GPC3: variants seen among roughly 807,000 people sequenced by gnomAD.
The protein encoded by GPC3 is glypican 3.
In GPC3, 3 loss-of-function variants were observed where a neutral mutation model predicts 34.4. The observed-to-expected ratio is 0.09, with a 90% CI of 0.04 to 0.23. The LOEUF (loss-of-function observed/expected upper bound fraction) is 0.23. Ranked by LOEUF, GPC3 falls within the 10% of genes least tolerant of loss-of-function variation. The pLI is 1.00. For missense variants in GPC3, 351 were observed against 445.6 expected (o/e 0.79, Z 1.91); for synonymous variants, 177 against 174.0 (o/e 1.02, Z -0.13).
intron 2 of GPC3, among the ~76,000 whole-genome samples, chrX:133,878,328 G>A (rs868257801): frequency 2.7e-5 from 3 of 110,675 alleles, no homozygotes; most frequent in South Asian, 7.7e-4. Context: ...TTGGGAGGCC[G>A]AGGCAGGAGA....
At chrX:133,627,040 C>T (rs139690193) in intron 6 of GPC3, among the ~76,000 whole-genome samples, 2,181 of 106,895 alleles carry the variant, frequency 0.02, 25 homozygotes, top group Middle Eastern at 0.029. Context: ...CTGAAACCAT[C>T]ATTCTGAGCA....
intron 3 of GPC3, chrX:133,704,339 A>T: frequency 1.6e-6 from 1 of 643,815 alleles, no homozygotes; most frequent in South Asian, 4.0e-5. Flanking sequence ...GGCAGGGAAA[A>T]TTTTATTTTC....
intron 6 of GPC3, among the ~76,000 whole-genome samples, chrX:133,601,555 T>A (rs1012130281): frequency 8.9e-6 from 1 of 112,230 alleles, no homozygotes; most frequent in African/African-American, 3.2e-5. Context: ...CATTAAGGGA[T>A]CTATCAACAT....
intron 2 of GPC3, among the ~76,000 whole-genome samples, chrX:133,914,944 AATATATATATATATATATAT>A (rs35086661): frequency 3.0e-4 from 15 of 49,944 alleles, no homozygotes; most frequent in Admixed American, 4.7e-4. Flanking sequence ...TCAAACTGGA[AATATATATATATATATATAT>A]ATATATATAT....
chrX:133,624,800 A>C (rs2070280304), intron 6 of GPC3, among the ~76,000 whole-genome samples: 1 of 111,371 alleles, frequency 9.0e-6, no homozygotes, highest in Non-Finnish European at 1.9e-5. Flanking sequence ...AATCCTCCCT[A>C]ACTCATTTTA....
chrX:133,935,336 C>G (rs1350268757), intron 2 of GPC3, among the ~76,000 whole-genome samples: 1 of 111,941 alleles, frequency 8.9e-6, no homozygotes, highest in African/African-American at 3.3e-5. Context: ...ACAGTTTCAC[C>G]GTCTGTATTA....
chrX:133,839,713 G>A (rs995647492), intron 2 of GPC3, among the ~76,000 whole-genome samples: 2 of 109,754 alleles, frequency 1.8e-5, no homozygotes, highest in African/African-American at 3.3e-5. Flanking sequence ...GGCAGATCAC[G>A]AGGTCAGGAG....
intron 6 of GPC3, among the ~76,000 whole-genome samples, chrX:133,613,483 GAGTTTC>G (rs1257457227): frequency 8.9e-6 from 1 of 112,006 alleles, no homozygotes; most frequent in Non-Finnish European, 1.9e-5. Flanking sequence ...CTTGTCATAG[GAGTTTC>G]AGTTTTCTCA....
intron 2 of GPC3, among the ~76,000 whole-genome samples, chrX:133,795,389 G>C (rs913537879): frequency 2.7e-5 from 3 of 111,710 alleles, no homozygotes; most frequent in Non-Finnish European, 3.8e-5. Context: ...CGCTTTGCTA[G>C]GATTAGATAT....
chrX:133,761,468 G>C (rs1398603112), intron 2 of GPC3, among the ~76,000 whole-genome samples: 3 of 112,004 alleles, frequency 2.7e-5, no homozygotes, highest in Non-Finnish European at 5.6e-5. Context: ...ATACAGTCTT[G>C]CTTTTTAAAT....
chrX:133,699,829 T>C (rs1414059916), intron 4 of GPC3, 66 bp downstream of exon 4: 3 of 926,129 alleles, frequency 3.2e-6, no homozygotes, highest in South Asian at 2.2e-5. Context: ...TTCACTCTAG[T>C]GGTTTTTGAC....
At chrX:133,900,542 A>T (rs1487006711) in intron 2 of GPC3, among the ~76,000 whole-genome samples, 1 of 111,461 alleles carries the variant, frequency 9.0e-6, no homozygotes, top group Non-Finnish European at 1.9e-5. Flanking sequence ...ACACAGCAAT[A>T]CAAGGGTTCA....
rs750894723 is a variant in GPC3 at position 133,537,038 on chromosome X, A to G, written c.1574-745T>C. 2.2e-4 allele frequency among the ~76,000 whole-genome samples: 25 copies of G among 111,908 alleles called. No homozygotes were observed. The South Asian group carries it at 6.0e-3, about 27-fold the overall frequency. ...GCCTTTCATTCTTTGACTGCCTAGC[A>G]TTTATGATATATGTTCATGATTCTG... On this transcript the variant is annotated intron_variant, in intron 7 of 7. Coordinates refer to ENST00000370818, the MANE Select transcript of GPC3 (RefSeq NM_004484.4).
chrX:133,884,971 T>A, intron 2 of GPC3, among the ~76,000 whole-genome samples: 1 of 112,429 alleles, frequency 8.9e-6, no homozygotes, highest in Admixed American at 9.5e-5. Context: ...CTCTTGACTA[T>A]TGCACATTGG....
chrX:133,835,547 G>A (rs2075795689), intron 2 of GPC3, among the ~76,000 whole-genome samples: 1 of 111,970 alleles, frequency 8.9e-6, no homozygotes, highest in South Asian at 3.7e-4. Flanking sequence ...CTGACCTGGA[G>A]AGGGATGACT....
At chrX:133,558,486 C>T (rs1382314730) in intron 7 of GPC3, among the ~76,000 whole-genome samples, 3 of 110,975 alleles carry the variant, frequency 2.7e-5, no homozygotes, top group Non-Finnish European at 5.7e-5. Context: ...CTAACCCTTA[C>T]GATTTGCTTT....
chrX:133,981,815 T>C (rs1004639167), intron 1 of GPC3, among the ~76,000 whole-genome samples: 19 of 112,378 alleles, frequency 1.7e-4, no homozygotes, highest in Non-Finnish European at 3.2e-4. Context: ...GTTTCATCTA[T>C]TTCAAGAAAC....
intron 3 of GPC3, among the ~76,000 whole-genome samples, chrX:133,702,983 G>C (rs1220451961): frequency 1.8e-5 from 2 of 112,218 alleles, no homozygotes; most frequent in East Asian, 5.6e-4. Context: ...TTGAGAAGTG[G>C]ACACTAAAAG....
At chrX:133,914,900 G>C (rs1226956670) in intron 2 of GPC3, among the ~76,000 whole-genome samples, 104 of 85,323 alleles carry the variant, frequency 1.2e-3, no homozygotes, top group Non-Finnish European at 1.8e-3. Context: ...AAAACAACCA[G>C]ATAATGCAGC....
Sources: allele counts gnomAD v4.1 joint callset (sites outside exome capture counted in the v4.1 genomes callset), GRCh38; gene constraint gnomAD v4.1.1; transcripts MANE v1.5; gene names NCBI Gene and HGNC (gene_info 2026-07-23, HGNC 2026-07-21).